The following SLC39A11 variants were observed in gnomAD, a reference collection of about 807,000 sequenced individuals.
SLC39A11 encodes the protein zinc transporter ZIP11.
A neutral mutation model predicts 36.1 loss-of-function variants in SLC39A11; 33 were observed. The ratio of observed to expected loss-of-function variants is 0.91; its 90% CI spans 0.69 to 1.22. SLC39A11 has a LOEUF of 1.22. SLC39A11 is among the 50% of genes most tolerant of loss of function. SLC39A11 has a pLI of 0.00. For synonymous variants in SLC39A11, 166 were observed against 170.3 expected (o/e 0.97, Z 0.20); for missense variants, 432 against 430.3 (o/e 1.00, Z -0.03).
chr17:72,879,759 T>C (rs562826463), intron 5 of SLC39A11, among the ~76,000 whole-genome samples: 10 of 152,226 alleles, frequency 6.6e-5, no homozygotes, highest in Non-Finnish European at 1.3e-4. Flanking sequence ...ATTGTTTCTA[T>C]AGATAAATCT....
At chr17:72,922,515 T>C (rs2083732909) in intron 5 of SLC39A11, among the ~76,000 whole-genome samples, 1 of 152,342 alleles carries the variant, frequency 6.6e-6, no homozygotes, top group South Asian at 2.1e-4. Context: ...GTGCACATGC[T>C]ACAGGGTGAG....
chr17:72,939,313 T>A (rs1423279020), intron 5 of SLC39A11, among the ~76,000 whole-genome samples: 3 of 151,994 alleles, frequency 2.0e-5, no homozygotes, highest in Admixed American at 6.6e-5. Context: ...ATACAAAAAT[T>A]AGCTGGGGGT....
intron 4 of SLC39A11, among the ~76,000 whole-genome samples, chr17:72,965,071 G>C (rs546908982): frequency 6.6e-6 from 1 of 150,386 alleles, no homozygotes; most frequent in East Asian, 2.0e-4. Context: ...TTGGACACAG[G>C]AAGGGGAACA....
intron 6 of SLC39A11, among the ~76,000 whole-genome samples, chr17:72,796,389 C>A (rs1251902863): frequency 6.6e-6 from 1 of 152,078 alleles, no homozygotes; most frequent in Non-Finnish European, 1.5e-5. Flanking sequence ...ACTCTATATG[C>A]ATGAGAAGGA....
chr17:72,727,506 G>T (rs2073974852), intron 7 of SLC39A11, among the ~76,000 whole-genome samples: 1 of 152,002 alleles, frequency 6.6e-6, no homozygotes. Flanking sequence ...CAAAAAATCA[G>T]CCAGGCGTGG....
intron 7 of SLC39A11, among the ~76,000 whole-genome samples, chr17:72,693,037 C>T (rs1031705455): frequency 2.8e-4 from 42 of 152,198 alleles, no homozygotes; most frequent in Non-Finnish European, 3.4e-4. Flanking sequence ...GGGGTTTTAT[C>T]GGATGCCAAA....
chr17:72,928,549 A>G (rs1226378299), intron 5 of SLC39A11, among the ~76,000 whole-genome samples: 4 of 152,188 alleles, frequency 2.6e-5, no homozygotes, highest in Non-Finnish European at 5.9e-5. Flanking sequence ...GGTGGGAAAA[A>G]GTGGAGACTG....
intron 7 of SLC39A11, among the ~76,000 whole-genome samples, chr17:72,662,694 AAAGG>A (rs1313914973): frequency 1.3e-5 from 2 of 150,090 alleles, no homozygotes; most frequent in African/African-American, 4.9e-5. Context: ...AAGAAAAAGA[AAAGG>A]AAGGAGGGAA....
chr17:72,781,411 TG>T (rs202077895), intron 6 of SLC39A11, among the ~76,000 whole-genome samples: 25 of 150,424 alleles, frequency 1.7e-4, no homozygotes, highest in African/African-American at 3.8e-4. Context: ...TTGTTTCTTT[TG>T]GTTTTTTTTT....
intron 6 of SLC39A11, among the ~76,000 whole-genome samples, chr17:72,816,818 C>T (rs2077598573): frequency 6.6e-6 from 1 of 152,108 alleles, no homozygotes; most frequent in Admixed American, 6.5e-5. Flanking sequence ...TTTCATACAC[C>T]ATAGCCCAGG....
At chr17:72,682,027 T>A (rs1217147330) in intron 7 of SLC39A11, among the ~76,000 whole-genome samples, 1 of 152,060 alleles carries the variant, frequency 6.6e-6, no homozygotes, top group Non-Finnish European at 1.5e-5. Flanking sequence ...CATTACCACC[T>A]GAGCTCCGCC....
At chr17:72,907,885 G>A (rs2082744010) in intron 5 of SLC39A11, among the ~76,000 whole-genome samples, 1 of 152,236 alleles carries the variant, frequency 6.6e-6, no homozygotes, top group African/African-American at 2.4e-5. Flanking sequence ...GCGGGGCGTA[G>A]GGGAGAAGTG....
chr17:73,002,537 CA>C (rs1322926410), intron 4 of SLC39A11, among the ~76,000 whole-genome samples: 1 of 152,202 alleles, frequency 6.6e-6, no homozygotes, highest in African/African-American at 2.4e-5. Context: ...CTGAGCTGGT[CA>C]GACAGGGTCA....
At chr17:72,653,346 T>G (rs1416131064) in intron 7 of SLC39A11, among the ~76,000 whole-genome samples, 47 of 151,928 alleles carry the variant, frequency 3.1e-4, no homozygotes, top group Non-Finnish European at 4.4e-5. Flanking sequence ...TGACCTCAGA[T>G]GATCCACCTG....
chr17:72,691,774 TA>T (rs1224079883), intron 7 of SLC39A11, among the ~76,000 whole-genome samples: 20 of 152,108 alleles, frequency 1.3e-4, no homozygotes, highest in Admixed American at 3.9e-4. Context: ...ATGTTTTCTC[TA>T]AAACATTCCC....
chr17:73,087,537 T>C (rs1312093210), intron 2 of SLC39A11, among the ~76,000 whole-genome samples: 4 of 152,154 alleles, frequency 2.6e-5, no homozygotes, highest in African/African-American at 9.7e-5. Context: ...GGCTGCGGAC[T>C]GAGGGTGATC....
intron 5 of SLC39A11, among the ~76,000 whole-genome samples, chr17:72,895,103 G>A (rs1283686967): frequency 2.6e-5 from 4 of 151,504 alleles, no homozygotes; most frequent in African/African-American, 9.8e-5. Context: ...ATTGGTGGGT[G>A]CTAGTCGCAT....
Sources: allele counts gnomAD v4.1 joint callset (sites outside exome capture counted in the v4.1 genomes callset), GRCh38; gene constraint gnomAD v4.1.1; transcripts MANE v1.5; gene names NCBI Gene and HGNC (gene_info 2026-07-23, HGNC 2026-07-21).